The following ING5 variants were observed in gnomAD, a reference collection of about 807,000 sequenced individuals.
The protein encoded by ING5 is inhibitor of growth protein 5.
Under a neutral mutation model 37.4 loss-of-function variants are expected in ING5, and 17 were observed. That is an observed-to-expected ratio of 0.45 (90% CI 0.31 to 0.68). The LOEUF is 0.68. Among genes scored for constraint, ING5 ranks in the 30% least tolerant of loss-of-function variants. The probability of loss-of-function intolerance (pLI) is 0.05; values close to 1 mark genes in which losing one functional copy is unlikely to be tolerated. For synonymous variants in ING5, 123 were observed against 116.6 expected, an observed-to-expected ratio of 1.06 and a Z score of -0.36; for missense variants, 233 against 311.9, an observed-to-expected ratio of 0.75 and a Z score of 1.91.
chr2:241,724,975 C>T lies in ING5; in HGVS notation c.681-14C>T. On this transcript the variant is annotated splice_polypyrimidine_tract_variant and intron_variant, in intron 7 of 7. Coordinates refer to ENST00000313552, the MANE Select transcript of ING5 (RefSeq NM_032329.6). ...AATGGCGCCCAGGGCCTCACTGCGC[C>T]TTTCTTGTCACAGGTTCTGTCCACG... 1.2e-6 allele frequency: 2 copies of T among 1,613,962 alleles called. No individual in the cohort carries two copies. Among genetic ancestry groups the T allele is most frequent in the Admixed American group, 3.3e-5 (2 of 60,014 alleles).
intron 1 of ING5, among the ~76,000 whole-genome samples, chr2:241,702,313 G>C (rs1283341354): frequency 6.7e-6 from 1 of 150,074 alleles, no homozygotes; most frequent in Non-Finnish European, 1.5e-5. Flanking sequence ...CCGCCGGCTG[G>C]GTCGCGCCAA....
chr2:241,693,485 G>A (rs62191304), intron 2 of ING5, among the ~76,000 whole-genome samples: 49,116 of 151,012 alleles, frequency 0.33, 8,990 homozygotes, highest in Non-Finnish European at 0.41. Context: ...CATCCCCTAC[G>A]CTCTCCGACA....
chr2:241,715,818 C>T (rs1322028219), intron 5 of ING5, among the ~76,000 whole-genome samples: 1 of 150,440 alleles, frequency 6.6e-6, no homozygotes, highest in African/African-American at 2.4e-5. Context: ...ACTTCTTTGC[C>T]CTATAACTTA....
intron 2 of ING5, 94 bp from the exon 3 acceptor site, chr2:241,709,122 C>T (rs2070021256): frequency 1.5e-6 from 2 of 1,363,602 alleles, no homozygotes; most frequent in African/African-American, 1.5e-5. Context: ...ATCTTTGCCA[C>T]AACTTGGCGT....
At chr2:241,707,294 G>T (rs976297976) in intron 2 of ING5, among the ~76,000 whole-genome samples, 2 of 146,370 alleles carry the variant, frequency 1.4e-5, no homozygotes, top group Non-Finnish European at 3.0e-5. Flanking sequence ...GCACAGGTTT[G>T]TTTTTTTTGT....
intron 5 of ING5, chr2:241,721,549 A>C (rs1177129913): frequency 2.0e-6 from 2 of 985,314 alleles, no homozygotes; most frequent in African/African-American, 3.5e-5. Flanking sequence ...GTATCCAAGG[A>C]AAAGCTGAGT....
Position 241,691,396 on chromosome 2 carries a change from G to A in ING5, c.43+743G>A, listed in dbSNP as rs1185914295. On this transcript the variant is annotated intron_variant, in intron 2 of 7. Transcript: ENST00000636051. ...GGAGGTTGCAGTGAGCTGAGATCAT[G>A]CCACTGCACTGCAGCCTGGGTGACA... Among the ~76,000 whole-genome samples, 5 of 152,004 alleles carry A rather than the reference G, an allele frequency of 3.3e-5. No individual in the cohort carries two copies. The East Asian group carries it at 7.8e-4, about 24-fold the overall frequency.
intron 2 of ING5, among the ~76,000 whole-genome samples, chr2:241,695,423 C>G (rs1281440985): frequency 6.6e-6 from 1 of 152,208 alleles, no homozygotes; most frequent in Non-Finnish European, 1.5e-5. Context: ...CACGGTGGCT[C>G]ACGCCTGTAA....
intron 1 of ING5, among the ~76,000 whole-genome samples, chr2:241,702,644 T>C (rs1016054515): frequency 6.6e-6 from 1 of 152,066 alleles, no homozygotes; most frequent in East Asian, 1.9e-4. Context: ...CACTGGGGAC[T>C]GCGGCGCGGA....
chr2:241,722,245 C>T, intron 5 of ING5: 2 of 985,390 alleles, frequency 2.0e-6, no homozygotes, highest in African/African-American at 3.5e-5. Context: ...TGTCAGCCGT[C>T]TGCTGGCAGA....
At chr2:241,709,512 G>A in intron 3 of ING5, 130 bp downstream of exon 3, 1 of 802,474 alleles carries the variant, frequency 1.2e-6, no homozygotes, top group Non-Finnish European at 2.0e-6. Context: ...TGACGCTGCT[G>A]GAGGAAGTGC....
chr2:241,687,368 G>A (rs1301890010), exon 1 of ING5: 3 of 398,786 alleles, frequency 7.5e-6, no homozygotes, highest in Non-Finnish European at 1.3e-5. Context: ...CAGCACGACT[G>A]CGTTCTGGAA....
chr2:241,722,470 T>C, intron 5 of ING5: 1 of 985,368 alleles, frequency 1.0e-6, no homozygotes, highest in Non-Finnish European at 1.2e-6. Context: ...TGCCCCTGCC[T>C]GGGCCCGAAG....
chr2:241,728,153 G>C lies in ING5; in HGVS notation c.*3122G>C. 1 of 152,252 alleles carries C rather than the reference G, an allele frequency of 6.6e-6. No individual in the cohort carries two copies. The allele number at this position is 152,252 out of a possible 1,614,324, so 9.4% of individuals were successfully genotyped here. On this transcript the variant is annotated 3_prime_UTR_variant, in exon 8 of 8. Transcript: ENST00000313552. ...TCTGTGGCTGACGCTGTCTACCCGT[G>C]GGAGAGACACACTCAGGAGTGGCCG...
intron 2 of ING5, 159 bp from the exon 3 acceptor site, chr2:241,709,057 A>G: frequency 1.4e-6 from 1 of 715,200 alleles, no homozygotes. Flanking sequence ...TTTGTGCAGA[A>G]CGGTTCTGCC....
At chr2:241,695,743 A>C (rs969542923) in intron 2 of ING5, among the ~76,000 whole-genome samples, 1 of 152,196 alleles carries the variant, frequency 6.6e-6, no homozygotes, top group Non-Finnish European at 1.5e-5. Context: ...GCGGTGATAC[A>C]TAATGGGAAC....
chr2:241,701,989 C>T, upstream of ING5: 3 of 1,077,734 alleles, frequency 2.8e-6, no homozygotes, highest in Non-Finnish European at 3.6e-6. Context: ...GAATAGTGAG[C>T]GCGCTGGCAC....
chr2:241,720,291 G>C, intron 5 of ING5: 4 of 1,226,930 alleles, frequency 3.3e-6, no homozygotes, highest in Non-Finnish European at 4.1e-6. Context: ...CACGCCCCTC[G>C]TGGTCACGCT....
At chr2:241,724,035 C>T (rs1691502402) in intron 7 of ING5, 1 of 1,392,760 alleles carries the variant, frequency 7.2e-7, no homozygotes, top group South Asian at 1.7e-5. Flanking sequence ...AAGATAAAAA[C>T]CTGGCTTTGT....
Sources: gnomAD v4.1 joint callset for allele counts (sites outside exome capture counted in the v4.1 genomes callset) on GRCh38, gnomAD v4.1.1 for gene constraint, MANE v1.5 for transcripts, NCBI Gene and HGNC (gene_info 2026-07-23, HGNC 2026-07-21) for gene names.